The following SVEP1 variants were observed in gnomAD, a reference collection of about 807,000 sequenced individuals.
The protein encoded by SVEP1 is sushi, von Willebrand factor type A, EGF and pentraxin domain containing 1.
A neutral mutation model predicts 367.3 loss-of-function variants in SVEP1; 164 were observed. The observed-to-expected ratio is 0.45, with a 90% CI of 0.39 to 0.51. The LOEUF (loss-of-function observed/expected upper bound fraction) is 0.51, where lower values mean the gene tolerates loss of function less well. Among genes scored for constraint, SVEP1 ranks in the 20% least tolerant of loss-of-function variants. The pLI is 0.00. For missense variants in SVEP1, 4,117 were observed against 4,425.3 expected (o/e 0.93, Z 1.98); for synonymous variants, 1,666 against 1,611.6 (o/e 1.03, Z -0.81).
chr9:110,447,278 T>C (rs954205583), intron 24 of SVEP1, among the ~76,000 whole-genome samples: 3 of 152,238 alleles, frequency 2.0e-5, no homozygotes, highest in African/African-American at 7.2e-5. Context: ...AAGTAGAAAG[T>C]AGTTCTGGTA....
chr9:110,388,136 A>C (rs12005909), intron 41 of SVEP1, among the ~76,000 whole-genome samples: 40 of 152,284 alleles, frequency 2.6e-4, no homozygotes, highest in African/African-American at 9.6e-4. Context: ...AATTATCAGA[A>C]GGTAAAAGAC....
chr9:110,563,516 T>TA (rs1830455207), intron 1 of SVEP1, among the ~76,000 whole-genome samples: 1 of 152,202 alleles, frequency 6.6e-6, no homozygotes, highest in East Asian at 1.9e-4. Context: ...AGTGTGTAAA[T>TA]AAATTTTGCA....
intron 8 of SVEP1, among the ~76,000 whole-genome samples, chr9:110,493,659 G>T (rs1829403172): frequency 6.6e-6 from 1 of 152,120 alleles, no homozygotes; most frequent in Non-Finnish European, 1.5e-5. Flanking sequence ...TTGAACCTGG[G>T]AGGTGGAGGC....
intron 3 of SVEP1, among the ~76,000 whole-genome samples, chr9:110,539,641 G>GTTACATATATATGTATAATATATGTACA (rs1391299038): frequency 1.3e-5 from 2 of 150,716 alleles, no homozygotes; most frequent in South Asian, 2.1e-4. Context: ...ATATGTATGT[G>GTTACATATATATGTATAATATATGTACA]TTACATATAT....
chr9:110,522,079 GTA>G (rs1395374708), intron 3 of SVEP1, among the ~76,000 whole-genome samples: 1 of 152,028 alleles, frequency 6.6e-6, no homozygotes, highest in Non-Finnish European at 1.5e-5. Flanking sequence ...AAGACTGAAA[GTA>G]CATGACTTAT....
In SVEP1 at chr9:110,375,482, A is replaced by AAAAAAAC; in HGVS notation, c.10505-20_10505-19insGTTTTTT. On this transcript the variant is annotated intron_variant, in intron 45 of 47. Coordinates refer to ENST00000374469, the MANE Select transcript of SVEP1 (RefSeq NM_153366.4). ...CAGATTGCTAAAAAAAAAAAAAAAAAAAAAAAAAGGAGGCAGGGGGGATTG... is the reference window on the plus strand; with the variant it reads ...CAGATTGCTAAAAAAAAAAAAAAAAAAAAAAACAAAAAAAAGGAGGCAGGGGGGATTG... The AAAAAAAC allele has an allele frequency of 6.6e-7, 1 of 1,513,070 alleles. No homozygotes were observed. Among genetic ancestry groups the AAAAAAAC allele is most frequent in the South Asian group, 1.3e-5 (1 of 78,926 alleles). The allele number at this position is 1,513,070 out of a possible 1,614,324, so 93.7% of individuals were successfully genotyped here. A position where few individuals can be genotyped will look rare whatever the true frequency, so the allele number is the denominator to read the frequency against.
chr9:110,401,531 TTATA>T (rs558848264), intron 39 of SVEP1, among the ~76,000 whole-genome samples: 1 of 147,472 alleles, frequency 6.8e-6, no homozygotes. Context: ...AGAAAAAAAT[TTATA>T]TATATATATA....
chr9:110,534,429 A>G (rs1023663377), intron 3 of SVEP1, among the ~76,000 whole-genome samples: 1 of 152,098 alleles, frequency 6.6e-6, no homozygotes, highest in Admixed American at 6.6e-5. Context: ...AATGTCATTG[A>G]TGGGCATTTA....
At chr9:110,533,572 C>T (rs886934360) in intron 3 of SVEP1, among the ~76,000 whole-genome samples, 1 of 143,880 alleles carries the variant, frequency 7.0e-6, no homozygotes, top group Non-Finnish European at 1.5e-5. Context: ...TGTGGATACC[C>T]GGGGTTACTA....
intron 46 of SVEP1, among the ~76,000 whole-genome samples, 163 bp from the exon 47 acceptor site, chr9:110,370,179 C>T (rs564172565): frequency 1.1e-4 from 16 of 152,138 alleles, no homozygotes; most frequent in African/African-American, 3.1e-4. Flanking sequence ...CTTGACTTCA[C>T]ATCCTTATGT....
intron 18 of SVEP1, among the ~76,000 whole-genome samples, chr9:110,465,419 T>C (rs1828919773): frequency 6.6e-6 from 1 of 152,234 alleles, no homozygotes. Flanking sequence ...ATGATTCTAA[T>C]GTGCTGCCTG....
chr9:110,437,868 A>T (rs966622312), intron 27 of SVEP1, among the ~76,000 whole-genome samples: 2 of 152,174 alleles, frequency 1.3e-5, no homozygotes, highest in African/African-American at 4.8e-5. Context: ...ATGTCCAAAG[A>T]TCCCTCCTTC....
intron 6 of SVEP1, 144 bp from the exon 7 acceptor site, chr9:110,499,382 G>A (rs1829497432): frequency 4.3e-6 from 3 of 702,096 alleles, no homozygotes; most frequent in Non-Finnish European, 6.8e-6. Context: ...GACATTGAAT[G>A]TATAATATAT....
chr9:110,469,938 A>G (rs1828990291), intron 16 of SVEP1, among the ~76,000 whole-genome samples: 1 of 152,154 alleles, frequency 6.6e-6, no homozygotes, highest in Non-Finnish European at 1.5e-5. Context: ...TGTGCTTTTG[A>G]TTGGCTGAAT....
Position 110,407,717 on chromosome 9 carries a change from T to C in SVEP1, c.7883A>G (p.Lys2628Arg). ...TTGCTCAAAATATCCCTGGTCATCT[T>C]TGAGTTTAGTACAGTCTCCAAAATC... is the stretch of plus-strand genomic sequence containing the variant. ...HIDFGDCTKLKDDQGYFEQED... is the reference protein window; with the variant it reads ...HIDFGDCTKLRDDQGYFEQED... The change falls in exon 38 of 48, where the codon AAA becomes AGA. Residue 2628 changes from lysine to arginine, a missense_variant. Coordinates refer to ENST00000374469, the MANE Select transcript of SVEP1 (RefSeq NM_153366.4). The C allele has an allele frequency of 6.2e-7, 1 of 1,614,018 alleles. No homozygotes were observed. The highest frequency in any genetic ancestry group is 1.3e-5 in the African/African-American group (1 of 75,046).
At chr9:110,572,479 T>C (rs1830576096) in intron 1 of SVEP1, among the ~76,000 whole-genome samples, 1 of 152,116 alleles carries the variant, frequency 6.6e-6, no homozygotes, top group African/African-American at 2.4e-5. Context: ...ATGCAGGAAA[T>C]AACAAAACTA....
At chr9:110,370,599 G>C (rs1291576259) in intron 46 of SVEP1, among the ~76,000 whole-genome samples, 1 of 152,128 alleles carries the variant, frequency 6.6e-6, no homozygotes, top group Non-Finnish European at 1.5e-5. Context: ...GCTTTAACTA[G>C]AATTACAGAA....
At chr9:110,489,509 A>C (rs1171765269) in intron 9 of SVEP1, 141 bp downstream of exon 9, 2 of 702,918 alleles carry the variant, frequency 2.8e-6, no homozygotes, top group African/African-American at 3.7e-5. Flanking sequence ...CTTATTCACT[A>C]TCATGAGGAC....
intron 40 of SVEP1, among the ~76,000 whole-genome samples, chr9:110,399,136 A>T (rs1290941162): frequency 6.6e-6 from 1 of 152,244 alleles, no homozygotes; most frequent in Admixed American, 6.5e-5. Flanking sequence ...AAAATGTGGC[A>T]TATATACACC....
Sources: allele counts gnomAD v4.1 joint callset (sites outside exome capture counted in the v4.1 genomes callset), GRCh38; gene constraint gnomAD v4.1.1; transcripts MANE v1.5; gene names NCBI Gene and HGNC (gene_info 2026-07-23, HGNC 2026-07-21).